ITPR2: variants seen among roughly 807,000 people sequenced by gnomAD.
ITPR2 encodes the protein inositol 1,4,5-trisphosphate-gated calcium channel ITPR2.
ITPR2 carries 207 observed loss-of-function variants against 317.1 expected under a neutral mutation model. That is an observed-to-expected ratio of 0.65 (90% confidence interval 0.58 to 0.73). The LOEUF (loss-of-function observed/expected upper bound fraction) is 0.73, where lower values mean the gene tolerates loss of function less well. Among genes scored for constraint, ITPR2 ranks in the 30% least tolerant of loss-of-function variants. ITPR2 has a pLI of 0.00. For missense variants in ITPR2, 2,613 were observed against 3,284.0 expected, an observed-to-expected ratio of 0.80 and a Z score of 4.99; for synonymous variants, 1,156 against 1,149.1, an observed-to-expected ratio of 1.01 and a Z score of -0.12.
intron 37 of ITPR2, among the ~76,000 whole-genome samples, chr12:26,513,877 G>A (rs1459067317): frequency 2.6e-5 from 4 of 152,140 alleles, no homozygotes; most frequent in African/African-American, 7.2e-5. Flanking sequence ...CAGGCCACAT[G>A]TATGTCATCA....
intron 34 of ITPR2, among the ~76,000 whole-genome samples, chr12:26,575,994 C>T (rs1945267036): frequency 6.6e-6 from 1 of 151,878 alleles, no homozygotes; most frequent in African/African-American, 2.4e-5. Context: ...GGAGGAGGAA[C>T]AAGAGGAGAG....
At chr12:26,561,693 T>C in intron 35 of ITPR2, 69 bp downstream of exon 35, 1 of 1,241,058 alleles carries the variant, frequency 8.1e-7, no homozygotes, top group Non-Finnish European at 1.1e-6. Flanking sequence ...CATATTTTAT[T>C]TATGTGACTA....
At chr12:26,704,743 A>G (rs1480021529) in intron 9 of ITPR2, among the ~76,000 whole-genome samples, 1 of 152,178 alleles carries the variant, frequency 6.6e-6, no homozygotes, top group Non-Finnish European at 1.5e-5. Flanking sequence ...ATAATACTAT[A>G]TAATATACAT....
chr12:26,708,625 A>G (rs1194749857), intron 9 of ITPR2, among the ~76,000 whole-genome samples: 1 of 152,180 alleles, frequency 6.6e-6, no homozygotes, highest in Non-Finnish European at 1.5e-5. Context: ...AGGGAGAGAA[A>G]AGGTGGAGGT....
intron 19 of ITPR2, 95 bp from the exon 20 acceptor site, chr12:26,655,947 A>G: frequency 1.6e-6 from 2 of 1,243,542 alleles, no homozygotes; most frequent in Non-Finnish European, 2.2e-6. Context: ...ATAATCTTGG[A>G]TAAATTAGTT....
At chr12:26,571,238 A>G (rs1360381036) in intron 34 of ITPR2, among the ~76,000 whole-genome samples, 2 of 152,206 alleles carry the variant, frequency 1.3e-5, no homozygotes, top group Admixed American at 6.5e-5. Context: ...TTCACAATTG[A>G]TCGTGGCTTC....
At chr12:26,753,513 T>C (rs958270156) in intron 2 of ITPR2, among the ~76,000 whole-genome samples, 1 of 152,160 alleles carries the variant, frequency 6.6e-6, no homozygotes, top group African/African-American at 2.4e-5. Flanking sequence ...GTCACTGCAG[T>C]GTGTGGATCT....
intron 21 of ITPR2, among the ~76,000 whole-genome samples, chr12:26,651,864 G>A (rs1947263569): frequency 6.6e-6 from 1 of 152,086 alleles, no homozygotes; most frequent in Non-Finnish European, 1.5e-5. Flanking sequence ...GATGTTTCAG[G>A]TTTCTTTTGT....
rs142342489 is a variant in ITPR2 at position 26,342,913 on chromosome 12, C to T, written c.7858-2585G>A. On this transcript the variant is annotated intron_variant, in intron 55 of 56. Transcript: ENST00000381340. ...CGTGAGCCACCACGTCCGGTGAGTT[C>T]TCACTCTTAGGAGCCTGGATGGGTT... Among the ~76,000 whole-genome samples, 1,135 of 151,908 alleles carry T rather than the reference C, an allele frequency of 7.5e-3. 11 individuals are homozygous for T. The highest frequency in any genetic ancestry group is 0.025 in the African/African-American group (1,026 of 41,422).
Position 26,659,216 on chromosome 12 carries a change from T to G in ITPR2, c.1783A>C (p.Ile595Leu). The stretch of plus-strand genomic sequence containing the variant: ...CTGTTGTTGTGCAACAAAGCTGTGA[T>G]AGTATCTTCTGCCAAAATATCATAG... ...IGYDILAEDTITALLHNNRKL... is the reference protein window; with the variant it reads ...IGYDILAEDTLTALLHNNRKL... Residue 595 changes from isoleucine to leucine, a missense_variant, in exon 16 of 57, where the codon ATC (isoleucine) becomes CTC (leucine). Coordinates refer to ENST00000381340, the MANE Select transcript of ITPR2 (RefSeq NM_002223.4). 1.2e-6 allele frequency: 2 copies of G among 1,613,486 alleles called. No homozygotes were observed. The highest frequency in any genetic ancestry group is 1.7e-6 in the Non-Finnish European group (2 of 1,179,532).
At chr12:26,604,683 A>G (rs1274729078) in intron 26 of ITPR2, among the ~76,000 whole-genome samples, 2 of 152,268 alleles carry the variant, frequency 1.3e-5, no homozygotes, top group Non-Finnish European at 2.9e-5. Context: ...TCGCCTAGCT[A>G]TCATAATGAA....
intron 45 of ITPR2, among the ~76,000 whole-genome samples, chr12:26,446,704 G>A (rs1471126362): frequency 3.7e-5 from 5 of 133,580 alleles, no homozygotes; most frequent in Admixed American, 7.9e-5. Context: ...TAGTTTTACT[G>A]CAGAGAAGAG....
Position 26,656,385 on chromosome 12 carries a change from G to A in ITPR2, c.2356C>T (p.His786Tyr), listed in dbSNP as rs1947367997. 2.5e-6 allele frequency: 4 copies of A among 1,614,108 alleles called. No individual in the cohort carries two copies. Among genetic ancestry groups the A allele is most frequent in the Admixed American group, 3.3e-5 (2 of 60,012 alleles). ...GACTCCTGGGGATCCCGGTCAACGT[G>A]CATGTGGAGCATGAGGCGACAGAAG... Reference protein sequence around the residue: ...ASFCRLMLHMHVDRDPQESVV... With the variant: ...ASFCRLMLHMYVDRDPQESVV... Residue 786 changes from histidine (H) to tyrosine (Y), a missense_variant, in exon 19 of 57, where the codon CAC (histidine) becomes TAC (tyrosine). His to Tyr is a moderately conservative substitution (Grantham distance 83). Transcript: ENST00000381340.
chr12:26,618,596 A>G (rs1376476435), intron 26 of ITPR2, among the ~76,000 whole-genome samples: 1 of 152,208 alleles, frequency 6.6e-6, no homozygotes, highest in Non-Finnish European at 1.5e-5. Flanking sequence ...AGGGAAAACA[A>G]CTGGCATTGT....
intron 13 of ITPR2, among the ~76,000 whole-genome samples, chr12:26,669,789 C>T (rs1947709562): frequency 6.6e-6 from 1 of 152,260 alleles, no homozygotes; most frequent in Non-Finnish European, 1.5e-5. Context: ...AGTTCCCTTT[C>T]CTAGTCAAAG....
At position 26,657,783 on chromosome 12, in the gene ITPR2, C is replaced by T. The variant is rs749242469; in HGVS notation, c.2116G>A (p.Gly706Ser). The change falls in exon 18 of 57, where the codon GGC becomes AGC. Residue 706 changes from glycine to serine, a missense_variant. Transcript: ENST00000381340. ...YWIDSNKEPHGKAIRHLAQEA... is the reference protein window; with the variant it reads ...YWIDSNKEPHSKAIRHLAQEA... Reference sequence around the variant, plus strand: ...TGAGCAAGGTGCCTGATAGCTTTGCCATGAGGTTCCTTGTTGCTGTCAATC... The same window carrying T: ...TGAGCAAGGTGCCTGATAGCTTTGCTATGAGGTTCCTTGTTGCTGTCAATC... 1.9e-6 allele frequency: 3 copies of T among 1,614,034 alleles called. No individual in the cohort carries two copies. The East Asian group carries it at 6.7e-5, about 36-fold the overall frequency.
chr12:26,537,187 T>C (rs970098433), intron 37 of ITPR2, among the ~76,000 whole-genome samples: 1 of 152,150 alleles, frequency 6.6e-6, no homozygotes, highest in Non-Finnish European at 1.5e-5. Context: ...AAGGGTTTGG[T>C]CTGTACATTT....
chr12:26,585,344 T>C (rs1421238061), intron 32 of ITPR2, among the ~76,000 whole-genome samples: 4 of 152,230 alleles, frequency 2.6e-5, no homozygotes, highest in Non-Finnish European at 4.4e-5. Flanking sequence ...ATCATATAGA[T>C]ATATAATAAT....
intron 26 of ITPR2, among the ~76,000 whole-genome samples, chr12:26,620,919 G>A (rs1591970149): frequency 6.6e-6 from 1 of 152,162 alleles, no homozygotes; most frequent in South Asian, 2.1e-4. Flanking sequence ...AGATAGATGA[G>A]GTAAGAAGTG....
Sources: gnomAD v4.1 joint callset for allele counts (sites outside exome capture counted in the v4.1 genomes callset) on GRCh38, gnomAD v4.1.1 for gene constraint, MANE v1.5 for transcripts, NCBI Gene and HGNC (gene_info 2026-07-23, HGNC 2026-07-21) for gene names.